The following MYO1E variants were observed in gnomAD, a reference collection of about 807,000 sequenced individuals.
MYO1E encodes unconventional myosin-Ie.
A neutral mutation model predicts 151.1 loss-of-function variants in MYO1E; 68 were observed. The ratio of observed to expected loss-of-function variants is 0.45; its 90% confidence interval spans 0.37 to 0.55. The LOEUF (loss-of-function observed/expected upper bound fraction) is 0.55, where lower values mean the gene tolerates loss of function less well. MYO1E is among the 20% of genes least tolerant of loss of function. The probability of loss-of-function intolerance (pLI) is 0.00; values close to 1 mark genes in which losing one functional copy is unlikely to be tolerated. For synonymous variants in MYO1E, 601 were observed against 501.7 expected, an observed-to-expected ratio of 1.20 and a Z score of -2.64; for missense variants, 1,363 against 1,389.3, an observed-to-expected ratio of 0.98 and a Z score of 0.30.
intron 19 of MYO1E, 111 bp from the exon 20 acceptor site, chr15:59,174,351 A>G (rs2079612409): frequency 2.0e-5 from 16 of 784,728 alleles, no homozygotes; most frequent in Non-Finnish European, 3.4e-5. Context: ...ACACACGGGA[A>G]GCAGCTTCTC....
intron 2 of MYO1E, among the ~76,000 whole-genome samples, chr15:59,263,433 A>ATGC (rs2080235747): frequency 6.6e-6 from 1 of 152,138 alleles, no homozygotes; most frequent in South Asian, 2.1e-4. Context: ...TGCATGTTTC[A>ATGC]AGTGTGGCTT....
chr15:59,236,520 C>A (rs996972011), intron 5 of MYO1E, 65 bp downstream of exon 5: 1 of 1,396,922 alleles, frequency 7.2e-7, no homozygotes, highest in African/African-American at 1.4e-5. Context: ...TCTTTTCTAA[C>A]AGCAAATGGA....
At chr15:59,248,486 CAAAAAAAA>C (rs71119447) in intron 4 of MYO1E, among the ~76,000 whole-genome samples, 3 of 57,054 alleles carry the variant, frequency 5.3e-5, no homozygotes, top group African/African-American at 7.6e-5. Flanking sequence ...GACTCCATCT[CAAAAAAAA>C]AAAAAAAAAA....
rs530175686 is a variant in MYO1E at position 59,198,479 on chromosome 15, G to A, written c.1699-2912C>T. 1.2e-4 allele frequency among the ~76,000 whole-genome samples: 19 copies of A among 152,244 alleles called. No individual in the cohort carries two copies. The South Asian group carries it at 3.5e-3, about 28-fold the overall frequency. On this transcript the variant is annotated intron_variant, in intron 16 of 27. Transcript: ENST00000288235. ...TCTGTAAACTAAGTAGGTTGAACTA[G>A]AAGACCTCTAATTTAATCTAGAGAT... is the stretch of plus-strand genomic sequence containing the variant.
At chr15:59,251,445 A>G (rs571136981) in intron 4 of MYO1E, among the ~76,000 whole-genome samples, 1 of 152,352 alleles carries the variant, frequency 6.6e-6, no homozygotes, top group Admixed American at 6.5e-5. Flanking sequence ...ATGATTCATA[A>G]CCAAATGCAG....
Position 59,244,266 on chromosome 15 carries a change from C to G in MYO1E, c.333-7594G>C, listed in dbSNP as rs139327548. On this transcript the variant is annotated intron_variant, in intron 4 of 27. Transcript: ENST00000288235. ...CATGGCAATGCTCATCTTGGCCCAGCCTGATGCAGTCAGAGGAACCCAATG... is the reference window on the plus strand; with the variant it reads ...CATGGCAATGCTCATCTTGGCCCAGGCTGATGCAGTCAGAGGAACCCAATG... 3.3e-5 allele frequency among the ~76,000 whole-genome samples: 5 copies of G among 152,300 alleles called. No individual in the cohort carries two copies. The South Asian group carries it at 8.3e-4, about 25-fold the overall frequency.
At chr15:59,225,650 C>CTTTTTT (rs113019199) in intron 7 of MYO1E, among the ~76,000 whole-genome samples, 8 of 139,250 alleles carry the variant, frequency 5.7e-5, no homozygotes, top group Admixed American at 7.3e-5. Flanking sequence ...CTTTTCTTTT[C>CTTTTTT]TTTTTTTTTT....
At chr15:59,357,288 G>A (rs988263832) in intron 1 of MYO1E, among the ~76,000 whole-genome samples, 19 of 152,096 alleles carry the variant, frequency 1.2e-4, no homozygotes, top group African/African-American at 4.3e-4. Flanking sequence ...ATGGGGAGAG[G>A]AGAGGCTGGG....
intron 22 of MYO1E, among the ~76,000 whole-genome samples, chr15:59,163,868 G>A (rs551938115): frequency 1.6e-4 from 24 of 152,312 alleles, no homozygotes; most frequent in African/African-American, 4.1e-4. Flanking sequence ...CTACTAGAAC[G>A]TACAGACACA....
chr15:59,189,595 G>A (rs1476909901), intron 17 of MYO1E, among the ~76,000 whole-genome samples: 2 of 151,834 alleles, frequency 1.3e-5, no homozygotes, highest in Admixed American at 1.3e-4. Context: ...TCTTTCTTGA[G>A]ACAGAGTCTT....
chr15:59,214,516 TG>T, intron 11 of MYO1E, 123 bp downstream of exon 11: 1 of 1,056,592 alleles, frequency 9.5e-7, no homozygotes, highest in Non-Finnish European at 1.5e-6. Context: ...GAGCCTGAGT[TG>T]TTTTTTTTGT....
chr15:59,207,319 G>C (rs1372336494), intron 14 of MYO1E: 1 of 1,614,094 alleles, frequency 6.2e-7, no homozygotes, highest in Non-Finnish European at 8.5e-7. Context: ...GCCAAATATT[G>C]TTTGTAGCAA....
intron 10 of MYO1E, among the ~76,000 whole-genome samples, chr15:59,217,203 G>C (rs1273866619): frequency 1.1e-4 from 17 of 152,174 alleles, no homozygotes; most frequent in Admixed American, 1.1e-3. Flanking sequence ...AGTGCTTATG[G>C]TTTCAAGCCG....
In MYO1E at chr15:59,160,336, C is replaced by CGTGCGT. The variant is rs1555407720; in HGVS notation, c.2785+736_2785+737insACGCAC. On this transcript the variant is annotated intron_variant, in intron 24 of 27. Transcript: ENST00000288235. Reference sequence around the variant, plus strand: ...AGTTAGACTGGGGTTTGAGGTAGTGCGTGTGTGTGTGTGTGTGTGTGTGTG... The same window carrying CGTGCGT: ...AGTTAGACTGGGGTTTGAGGTAGTGCGTGCGTGTGTGTGTGTGTGTGTGTGTGTGTG... Among the ~76,000 whole-genome samples, 14 of 120,154 alleles carry CGTGCGT rather than the reference C, an allele frequency of 1.2e-4. No homozygotes were observed. In the South Asian group the frequency reaches 1.9e-3, roughly 16 times the overall value. 78.8% of individuals were successfully genotyped at this position (120,154 alleles called of 152,430 possible).
chr15:59,252,732 A>G (rs1279310740), intron 4 of MYO1E, among the ~76,000 whole-genome samples: 1 of 148,488 alleles, frequency 6.7e-6, no homozygotes, highest in African/African-American at 2.5e-5. Context: ...AAAAAAAGCG[A>G]AAGAATTAGC....
intron 26 of MYO1E, among the ~76,000 whole-genome samples, chr15:59,147,515 G>T (rs1387952726): frequency 1.3e-5 from 2 of 148,432 alleles, no homozygotes; most frequent in Admixed American, 1.4e-4. Context: ...TCGCTTGAAC[G>T]TGGGAGGCAG....
intron 1 of MYO1E, among the ~76,000 whole-genome samples, chr15:59,357,593 T>TTTGTTGTTG (rs146568549): frequency 6.7e-6 from 1 of 149,892 alleles, no homozygotes; most frequent in African/African-American, 2.5e-5. Flanking sequence ...CCTGGCTATT[T>TTTGTTGTTG]TTGTTGTTGT....
chr15:59,207,869 A>G lies in MYO1E; in HGVS notation c.1530+812T>C, dbSNP rs185619025. ...GGCCTATCTGTGGCCGATTTAACAG[A>G]AAGTATTTTGAAGAATCTTAGGAGA... On this transcript the variant is annotated intron_variant, in intron 14 of 27. Coordinates refer to ENST00000288235, the MANE Select transcript of MYO1E (RefSeq NM_004998.4). 7 of 1,614,232 alleles carry G rather than the reference A, an allele frequency of 4.3e-6. No homozygotes were observed. Among genetic ancestry groups the G allele is most frequent in the Admixed American group, 3.3e-5 (2 of 60,028 alleles).
At chr15:59,165,104 T>G (rs2079556664) in intron 22 of MYO1E, among the ~76,000 whole-genome samples, 1 of 152,212 alleles carries the variant, frequency 6.6e-6, no homozygotes, top group Non-Finnish European at 1.5e-5. Flanking sequence ...TCTCTAGAAC[T>G]GTAAAAATTA....
Sources: allele counts gnomAD v4.1 joint callset (sites outside exome capture counted in the v4.1 genomes callset), GRCh38; gene constraint gnomAD v4.1.1; transcripts MANE v1.5; gene names NCBI Gene and HGNC (gene_info 2026-07-23, HGNC 2026-07-21).